PRKN: variants seen among roughly 807,000 people sequenced by gnomAD.
PRKN encodes E3 ubiquitin-protein ligase parkin.
Under a neutral mutation model 59.5 loss-of-function variants are expected in PRKN, and 56 were observed. The ratio of observed to expected loss-of-function variants is 0.94; its 90% CI spans 0.76 to 1.18. The LOEUF (loss-of-function observed/expected upper bound fraction) is 1.18. PRKN is among the 50% of genes most tolerant of loss of function. The pLI is 0.00. For missense variants in PRKN, 657 were observed against 596.4 expected, an observed-to-expected ratio of 1.10 and a Z score of -1.06; for synonymous variants, 250 against 222.1, an observed-to-expected ratio of 1.13 and a Z score of -1.12.
intron 1 of PRKN, among the ~76,000 whole-genome samples, chr6:162,467,953 G>A (rs1791511210): frequency 6.6e-6 from 1 of 152,162 alleles, no homozygotes; most frequent in Non-Finnish European, 1.5e-5. Context: ...CTCATTCACA[G>A]CCTCTAGAGA....
At chr6:162,022,065 A>G (rs938266855) in intron 5 of PRKN, among the ~76,000 whole-genome samples, 3 of 152,022 alleles carry the variant, frequency 2.0e-5, no homozygotes, top group Non-Finnish European at 4.4e-5. Flanking sequence ...TCTATGGTGT[A>G]TATGTACCAC....
At chr6:161,660,746 G>A (rs1047202256) in intron 7 of PRKN, among the ~76,000 whole-genome samples, 7 of 152,098 alleles carry the variant, frequency 4.6e-5, no homozygotes, top group African/African-American at 1.4e-4. Flanking sequence ...TTTGCTCTGC[G>A]CACATGTCCT....
intron 9 of PRKN, among the ~76,000 whole-genome samples, chr6:161,543,702 T>A (rs1337001000): frequency 1.3e-5 from 2 of 152,232 alleles, no homozygotes; most frequent in Non-Finnish European, 2.9e-5. Flanking sequence ...AAATTCCTTA[T>A]CCAACTTCAA....
At chr6:161,586,659 T>C (rs535502644) in intron 7 of PRKN, among the ~76,000 whole-genome samples, 1 of 152,352 alleles carries the variant, frequency 6.6e-6, no homozygotes, top group African/African-American at 2.4e-5. Flanking sequence ...ATTCTTTCTG[T>C]TGAAATAGTA....
intron 7 of PRKN, among the ~76,000 whole-genome samples, chr6:161,722,770 C>T (rs1283682413): frequency 2.0e-5 from 3 of 152,034 alleles, no homozygotes; most frequent in African/African-American, 7.2e-5. Context: ...TTGTCTATGC[C>T]TCTTATTTAA....
At chr6:162,042,247 G>A (rs1784093433) in intron 5 of PRKN, among the ~76,000 whole-genome samples, 1 of 151,796 alleles carries the variant, frequency 6.6e-6, no homozygotes, top group African/African-American at 2.4e-5. Context: ...TGAAATAAAA[G>A]CAAACATAAA....
intron 7 of PRKN, among the ~76,000 whole-genome samples, chr6:161,632,446 T>C (rs949970696): frequency 2.2e-4 from 34 of 152,220 alleles, no homozygotes; most frequent in Non-Finnish European, 4.9e-4. Context: ...TGGGTGAAAT[T>C]GCATCTTGAT....
Position 162,262,575 on chromosome 6 carries a change from A to G in PRKN, c.362T>C (p.Val121Ala). Residue 121 changes from valine (V) to alanine (A), a missense_variant, in exon 3 of 12, where the codon GTC becomes GCC. Transcript: ENST00000366898. ...CTTCCTGCTGTCAGTGTGCAGAATG[A>G]CAGCCAGCCCCACAGAGTCTCCTGG... The part of the protein sequence containing the change: ...VLPGDSVGLA[V>A]ILHTDSRKDS... 1 of 1,613,180 alleles carries G rather than the reference A, an allele frequency of 6.2e-7. No individual in the cohort carries two copies. The highest frequency in any genetic ancestry group is 8.5e-7 in the Non-Finnish European group (1 of 1,179,192).
intron 1 of PRKN, among the ~76,000 whole-genome samples, chr6:162,473,546 T>C (rs1398028265): frequency 1.3e-5 from 2 of 152,276 alleles, no homozygotes; most frequent in Admixed American, 6.5e-5. Context: ...CTGGTGGCCA[T>C]GATAAAAAAG....
At chr6:161,725,383 T>C (rs1787399205) in intron 7 of PRKN, among the ~76,000 whole-genome samples, 1 of 152,162 alleles carries the variant, frequency 6.6e-6, no homozygotes. Context: ...AGAACTACAT[T>C]ACTTGGTGCC....
rs1781077802 is a variant in PRKN, at chr6:161,575,071, T to C, written c.872-5655A>G. Among the ~76,000 whole-genome samples the C allele has an allele frequency of 6.6e-6, 1 of 152,180 alleles. No individual in the cohort carries two copies. Among genetic ancestry groups the C allele is most frequent in the African/African-American group, 2.4e-5 (1 of 41,438 alleles). ...TCTTCTGTCGTGTTTTTCCTCTAGT[T>C]ATTAAACCCATCACTCAACTGTTGC... On this transcript the variant is annotated intron_variant, in intron 7 of 11. Transcript: ENST00000366898. The surrounding 1 kb of genome is among the most constrained non-coding windows in gnomAD (Gnocchi z 4.6).
intron 7 of PRKN, among the ~76,000 whole-genome samples, chr6:161,772,457 G>C (rs530025632): frequency 5.9e-5 from 9 of 152,162 alleles, no homozygotes; most frequent in African/African-American, 2.2e-4. Flanking sequence ...CTCAGCAATC[G>C]ACATGTTCTG....
chr6:162,585,282 C>T (rs918710982), intron 1 of PRKN, among the ~76,000 whole-genome samples: 7 of 152,028 alleles, frequency 4.6e-5, no homozygotes, highest in African/African-American at 1.7e-4. Context: ...AAATTAATAT[C>T]AAATCACAGT....
chr6:161,689,914 T>TGGTCA, intron 7 of PRKN, among the ~76,000 whole-genome samples: 1 of 150,344 alleles, frequency 6.7e-6, no homozygotes, highest in South Asian at 2.1e-4. Flanking sequence ...TTCACCATGT[T>TGGTCA]GGCCAGGCTG....
At chr6:161,728,162 A>T (rs1787524993) in intron 7 of PRKN, among the ~76,000 whole-genome samples, 1 of 152,090 alleles carries the variant, frequency 6.6e-6, no homozygotes, top group Non-Finnish European at 1.5e-5. Flanking sequence ...CAATTTGAAA[A>T]GATGTCTATC....
chr6:161,423,518 G>A lies in PRKN; in HGVS notation c.1084-36641C>T, dbSNP rs1165606432. Among the ~76,000 whole-genome samples the A allele has an allele frequency of 6.6e-6, 1 of 152,192 alleles. No homozygotes were observed. On this transcript the variant is annotated intron_variant, in intron 9 of 11. Transcript: ENST00000366898. The surrounding 1 kb of genome is among the most constrained non-coding windows in gnomAD (Gnocchi z 5.9). ...GTTTGTCAAGCTCTGGAATGTGGATGACAAAGGACATCTTAAAATTCCTTG... is the reference window on the plus strand; with the variant it reads ...GTTTGTCAAGCTCTGGAATGTGGATAACAAAGGACATCTTAAAATTCCTTG...
chr6:161,597,551 G>T (rs573415994), intron 7 of PRKN, among the ~76,000 whole-genome samples: 22 of 152,304 alleles, frequency 1.4e-4, no homozygotes, highest in South Asian at 8.3e-4. Context: ...CCTTTCTTCA[G>T]AGAAGATTCT....
chr6:161,592,383 T>C lies in PRKN; in HGVS notation c.872-22967A>G, dbSNP rs142263879. 2.8e-4 allele frequency among the ~76,000 whole-genome samples: 43 copies of C among 152,344 alleles called. No homozygotes were observed. In the East Asian group the frequency reaches 7.9e-3, roughly 28 times the overall value. Reference sequence around the variant, plus strand: ...CTGTTAATTTTGATTAGTTTTAATATTCTCTTTAATATACTCTTCTGTTTA... The same window carrying C: ...CTGTTAATTTTGATTAGTTTTAATACTCTCTTTAATATACTCTTCTGTTTA... On this transcript the variant is annotated intron_variant, in intron 7 of 11. Transcript: ENST00000366898. This position sits in a 1 kb window ranked among gnomAD's most constrained non-coding sequence, Gnocchi z 4.8.
In PRKN at chr6:162,427,802, C is replaced by T. The variant is rs142983252; in HGVS notation, c.171+15508G>A. Among the ~76,000 whole-genome samples the T allele has an allele frequency of 5.3e-3, 802 of 151,976 alleles. 5 individuals carry two copies. The highest frequency in any genetic ancestry group is 0.018 in the African/African-American group (735 of 41,436). Reference sequence around the variant, plus strand: ...CTGGGACTACAGGCGCCCCAGACCACGCCCAGCTAATGTTTTGCATTTTTT... The same window carrying T: ...CTGGGACTACAGGCGCCCCAGACCATGCCCAGCTAATGTTTTGCATTTTTT... On this transcript the variant is annotated intron_variant, in intron 2 of 11. Coordinates refer to ENST00000366898, the MANE Select transcript of PRKN (RefSeq NM_004562.3).
Sources: allele counts gnomAD v4.1 joint callset (sites outside exome capture counted in the v4.1 genomes callset), GRCh38; gene constraint gnomAD v4.1.1; non-coding constraint Gnocchi (gnomAD v3.1); transcripts MANE v1.5; gene names NCBI Gene and HGNC (gene_info 2026-07-23, HGNC 2026-07-21).